The following MTERF4 variants were observed in gnomAD, a reference collection of about 807,000 sequenced individuals.
MTERF4 encodes the protein transcription termination factor 4, mitochondrial.
A neutral mutation model predicts 22.5 loss-of-function variants in MTERF4; 17 were observed. The ratio of observed to expected loss-of-function variants is 0.75; its 90% confidence interval spans 0.52 to 1.13. The LOEUF is 1.13. Among genes scored for constraint, MTERF4 ranks in the 50% most tolerant of loss-of-function variants. The probability of loss-of-function intolerance (pLI) is 0.00; values close to 1 mark genes in which losing one functional copy is unlikely to be tolerated. For synonymous variants in MTERF4, 165 were observed against 175.3 expected, an observed-to-expected ratio of 0.94 and a Z score of 0.47; for missense variants, 420 against 466.8, an observed-to-expected ratio of 0.90 and a Z score of 0.92.
At chr2:241,052,153 G>C in the MTERF4 span, 5 of 1,613,034 alleles carry the variant, frequency 3.1e-6, no homozygotes, top group Non-Finnish European at 2.5e-6. Context: ...GGCACTGCGA[G>C]ATAGGTAAGG....
chr2:241,056,475 GA>G, the MTERF4 span, among the ~76,000 whole-genome samples: 1 of 131,070 alleles, frequency 7.6e-6, no homozygotes, highest in East Asian at 2.3e-4. Flanking sequence ...TACAACAGAA[GA>G]AAAAAAACCA....
At chr2:241,094,132 T>C (rs2064230502), downstream of MTERF4, 1 of 362,192 alleles carries the variant, frequency 2.8e-6, no homozygotes, top group East Asian at 7.7e-5. This position sits in a 1 kb window ranked among gnomAD's most constrained non-coding sequence, Gnocchi z 4.3. Context: ...GTTTTGCCTA[T>C]GGCCAAGCAA....
chr2:241,092,481 A>G (rs1324823187), downstream of MTERF4: 4 of 152,174 alleles, frequency 2.6e-5, no homozygotes, highest in African/African-American at 7.2e-5. The surrounding 1 kb of genome is among the most constrained non-coding windows in gnomAD (Gnocchi z 4.6). Flanking sequence ...ACCCTGTTCT[A>G]TGAGATCACC....
the MTERF4 span, chr2:241,049,043 A>G: frequency 6.2e-7 from 1 of 1,613,184 alleles, no homozygotes; most frequent in African/African-American, 1.3e-5. Context: ...ATGCCCTGCA[A>G]CATGAACACA....
downstream of MTERF4, among the ~76,000 whole-genome samples, chr2:241,082,606 G>GGTCCCCAGGCCCCCA (rs1322607042): frequency 2.0e-5 from 3 of 152,302 alleles, no homozygotes; most frequent in East Asian, 5.8e-4. Context: ...GCAGGCTCCT[G>GGTCCCCAGGCCCCCA]GTCCCCAGGC....
chr2:241,062,562 T>C, the MTERF4 span, among the ~76,000 whole-genome samples: 20 of 152,134 alleles, frequency 1.3e-4, no homozygotes, highest in African/African-American at 4.6e-4. Flanking sequence ...CTGGGAGCCC[T>C]GGGGTGGTTT....
the MTERF4 span, chr2:241,048,626 C>G: frequency 6.4e-7 from 1 of 1,564,028 alleles, no homozygotes; most frequent in East Asian, 2.3e-5. Context: ...CTTTCTGCGC[C>G]CCCACATGGG....
chr2:241,096,043 CTCG>C lies in MTERF4; in HGVS notation c.1098_1100del (p.Asp366del), dbSNP rs112664190. On this transcript the variant is annotated inframe_deletion, in exon 4 of 4. Transcript: ENST00000391980. This position sits in a 1 kb window ranked among gnomAD's most constrained non-coding sequence, Gnocchi z 5.1. ...CCTCATCCTCATCATTGTCCTCCGC[CTCG>C]TCGTCGTCCTCATCATCGTCATCCT... 8,397 of 1,613,670 alleles carry C rather than the reference CTCG, an allele frequency of 5.2e-3. 267 individuals carry two copies. The African/African-American group carries it at 0.083, about 16-fold the overall frequency.
At position 241,097,044 on chromosome 2, in the gene MTERF4, T is replaced by C. The variant is rs562139414; in HGVS notation, c.705+199A>G. ...CTGATGTATGCAGAGAATCTAGTCT[T>C]TCACTTCCTCCACTCAAATATGAGG... is the stretch of plus-strand genomic sequence containing the variant. On this transcript the variant is annotated intron_variant, in intron 3 of 3. Coordinates refer to ENST00000391980, the MANE Select transcript of MTERF4 (RefSeq NM_182501.4). The C allele has an allele frequency of 2.7e-5, 17 of 625,242 alleles. No homozygotes were observed. The African/African-American group carries it at 2.9e-4, about 11-fold the overall frequency. The allele number at this position is 625,242 out of a possible 1,614,324, so 38.7% of individuals were successfully genotyped here.
At chr2:241,049,557 C>T in the MTERF4 span, among the ~76,000 whole-genome samples, 1 of 152,120 alleles carries the variant, frequency 6.6e-6, no homozygotes, top group Non-Finnish European at 1.5e-5. Context: ...GACAGGAAGG[C>T]GTTTCTGTAT....
chr2:241,066,697 G>A, the MTERF4 span, among the ~76,000 whole-genome samples: 2 of 152,202 alleles, frequency 1.3e-5, no homozygotes, highest in African/African-American at 4.8e-5. Context: ...CTGCGGGGCG[G>A]CCACGTGAGT....
At chr2:241,089,997 C>T (rs1413323701), downstream of MTERF4, 43 of 1,548,984 alleles carry the variant, frequency 2.8e-5, no homozygotes, top group Non-Finnish European at 3.6e-5. Flanking sequence ...GGGCGCTTAG[C>T]GTAGCTGGAA....
the MTERF4 span, among the ~76,000 whole-genome samples, chr2:241,060,710 A>G: frequency 2.0e-5 from 3 of 152,190 alleles, no homozygotes; most frequent in African/African-American, 7.2e-5. Flanking sequence ...TGGGAGGCCA[A>G]GACAGGAGTT....
rs1319206819 is a variant in MTERF4 at position 241,099,782 on chromosome 2, G to A, written c.134C>T (p.Thr45Ile). The change falls in exon 2 of 4, where the codon ACA (threonine) becomes ATA (isoleucine). Residue 45 changes from threonine (T) to isoleucine (I), a missense_variant. Physicochemically the swap from Thr to Ile is moderately conservative, Grantham distance 89. Transcript: ENST00000391980. Reference protein sequence around the residue: ...TTASLLRKLTTASNGGVIEEL... With the variant: ...TTASLLRKLTIASNGGVIEEL... ...CTCAATGACCCCTCCATTGGAGGCT[G>A]TAGTCAGTTTGCGCAACAAAGAAGC... 12 of 1,614,054 alleles carry A rather than the reference G, an allele frequency of 7.4e-6. No homozygotes were observed. The South Asian group carries it at 8.8e-5, about 12-fold the overall frequency.
At chr2:241,052,373 G>A in the MTERF4 span, 15 of 1,579,174 alleles carry the variant, frequency 9.5e-6, no homozygotes, top group African/African-American at 2.7e-5. Context: ...CCCTGCTTCC[G>A]GAGCCCGTGT....
At chr2:241,052,698 G>A in the MTERF4 span, among the ~76,000 whole-genome samples, 215 of 69,066 alleles carry the variant, frequency 3.1e-3, 44 homozygotes, top group East Asian at 0.073. Flanking sequence ...GGCGGGGGGG[G>A]GGGGGGTCAA....
At chr2:241,061,336 A>C in the MTERF4 span, among the ~76,000 whole-genome samples, 1 of 152,360 alleles carries the variant, frequency 6.6e-6, no homozygotes, top group Admixed American at 6.5e-5. Flanking sequence ...TCAGCTGGTA[A>C]ATTTTCAGAA....
intron 4 of MTERF4, among the ~76,000 whole-genome samples, chr2:241,077,295 T>C (rs1183757201): frequency 6.6e-6 from 1 of 152,124 alleles, no homozygotes; most frequent in Non-Finnish European, 1.5e-5. Flanking sequence ...ACAACCTAAA[T>C]GTTAGGAGCT....
At chr2:241,089,939 C>G (rs1452230888), downstream of MTERF4, 2 of 1,537,704 alleles carry the variant, frequency 1.3e-6, no homozygotes, top group Non-Finnish European at 1.8e-6. Context: ...ACGTAGAAAA[C>G]CTACAGTAAA....
Sources: gnomAD v4.1 joint callset for allele counts (sites outside exome capture counted in the v4.1 genomes callset) on GRCh38, gnomAD v4.1.1 for gene constraint, Gnocchi (gnomAD v3.1) non-coding constraint, MANE v1.5 for transcripts, NCBI Gene and HGNC (gene_info 2026-07-23, HGNC 2026-07-21) for gene names.